The following CNTN4 variants were observed in gnomAD, a reference collection of about 807,000 sequenced individuals.
The protein encoded by CNTN4 is contactin 4.
CNTN4 carries 77 observed loss-of-function variants against 122.5 expected under a neutral mutation model. That is an observed-to-expected ratio of 0.63 (90% CI 0.52 to 0.76). CNTN4 has a LOEUF of 0.76. Among genes scored for constraint, CNTN4 ranks in the 30% least tolerant of loss-of-function variants. CNTN4 has a pLI of 0.00. For synonymous variants in CNTN4, 512 were observed against 447.0 expected (o/e 1.15, Z -1.83); for missense variants, 1,256 against 1,259.1 (o/e 1.00, Z 0.04).
chr3:2,570,148 T>C (rs1477160493), intron 3 of CNTN4, among the ~76,000 whole-genome samples: 1 of 152,102 alleles, frequency 6.6e-6, no homozygotes, highest in Admixed American at 6.5e-5. Flanking sequence ...GAGGGAAATT[T>C]GGCTTTACTT....
rs2038580891 is a variant in CNTN4 at position 2,210,776 on chromosome 3, G to T, written c.-145+110137G>T. Among the ~76,000 whole-genome samples the T allele has an allele frequency of 1.3e-5, 2 of 152,012 alleles. 1 individual carries two copies. Among genetic ancestry groups the T allele is most frequent in the African/African-American group, 4.8e-5 (2 of 41,386 alleles). On this transcript the variant is annotated intron_variant, in intron 2 of 24. Coordinates refer to ENST00000418658, the MANE Select transcript of CNTN4 (RefSeq NM_175607.3). ...CTTTCTTGACATCTTTTGTCTTTTT[G>T]AATCTGCCCATTTCCTTCAATACAT...
intron 7 of CNTN4, among the ~76,000 whole-genome samples, chr3:2,846,096 T>C (rs2093451076): frequency 6.6e-6 from 1 of 152,202 alleles, no homozygotes; most frequent in Non-Finnish European, 1.5e-5. Context: ...TTGGAGATTT[T>C]ACAATGCTAA....
rs1701858492 is a variant in CNTN4, at chr3:3,057,231, C to T, written c.*1011C>T. On this transcript the variant is annotated 3_prime_UTR_variant, in exon 25 of 25. Transcript: ENST00000418658. The stretch of plus-strand genomic sequence containing the variant: ...TATGTGTATCTCTGTAATAATAGAG[C>T]CCTTCTTTTGAATCAAAATTACATA... 6.6e-6 allele frequency: 1 copy of T among 152,456 alleles called. No individual in the cohort carries two copies. The allele number at this position is 152,456 out of a possible 1,614,324, so 9.4% of individuals were successfully genotyped here.
chr3:2,222,846 A>T (rs2039114660), intron 2 of CNTN4, among the ~76,000 whole-genome samples: 2 of 152,138 alleles, frequency 1.3e-5, no homozygotes, highest in Non-Finnish European at 2.9e-5. Context: ...TCTTTCTCTA[A>T]ACTAAACAAA....
At chr3:2,103,921 G>A (rs1212257026) in intron 2 of CNTN4, among the ~76,000 whole-genome samples, 5 of 152,186 alleles carry the variant, frequency 3.3e-5, no homozygotes, top group Non-Finnish European at 7.4e-5. Context: ...TGGCTGCAGT[G>A]GAAATGTGTA....
At chr3:2,798,104 A>G (rs66514648) in intron 6 of CNTN4, among the ~76,000 whole-genome samples, 41,687 of 142,966 alleles carry the variant, frequency 0.29, 6,330 homozygotes, top group Non-Finnish European at 0.32. Context: ...TCCAGTGTCT[A>G]TTATTTCACA....
At chr3:2,562,339 G>A (rs996280706) in intron 3 of CNTN4, among the ~76,000 whole-genome samples, 1 of 152,074 alleles carries the variant, frequency 6.6e-6, no homozygotes, top group East Asian at 1.9e-4. Context: ...CAAGCAGTGA[G>A]CATAGTACCC....
intron 3 of CNTN4, among the ~76,000 whole-genome samples, chr3:2,340,710 T>TATATATATATATATATAGAG: frequency 1.1e-4 from 2 of 18,302 alleles, no homozygotes; most frequent in African/African-American, 2.0e-4. Flanking sequence ...TATATATATA[T>TATATATATATATATATAGAG]AGAGAGAGAG....
chr3:2,444,241 A>G (rs2048540233), intron 3 of CNTN4, among the ~76,000 whole-genome samples: 1 of 151,566 alleles, frequency 6.6e-6, no homozygotes, highest in African/African-American at 2.4e-5. Context: ...AGTTAATAAC[A>G]TGTAATAGAA....
At chr3:2,943,764 C>T (rs1443703013) in intron 13 of CNTN4, among the ~76,000 whole-genome samples, 2 of 151,482 alleles carry the variant, frequency 1.3e-5, no homozygotes, top group Non-Finnish European at 2.9e-5. Flanking sequence ...GCTGGGATTA[C>T]AGGCATGCAC....
At chr3:2,676,896 G>A (rs941624386) in intron 4 of CNTN4, among the ~76,000 whole-genome samples, 1 of 152,162 alleles carries the variant, frequency 6.6e-6, no homozygotes, top group Non-Finnish European at 1.5e-5. Flanking sequence ...AGTACTTGGT[G>A]TTTGTCCTTA....
At position 2,551,484 on chromosome 3, in the gene CNTN4, C is replaced by T. The variant is rs565348753; in HGVS notation, c.-88-19932C>T. Among the ~76,000 whole-genome samples the T allele has an allele frequency of 7.9e-5, 12 of 151,946 alleles. No individual in the cohort carries two copies. In the South Asian group the frequency reaches 2.5e-3, roughly 32 times the overall value. ...ACCGTTTGTGATGGCCAAAGATGCA[C>T]AAATTTATATGAACACCTAAATTAT... On this transcript the variant is annotated intron_variant, in intron 3 of 24. Coordinates refer to ENST00000418658, the MANE Select transcript of CNTN4 (RefSeq NM_175607.3).
At chr3:2,353,171 C>T (rs1024816053) in intron 3 of CNTN4, among the ~76,000 whole-genome samples, 13 of 151,780 alleles carry the variant, frequency 8.6e-5, no homozygotes, top group Admixed American at 5.2e-4. Context: ...CACCAATCAG[C>T]ACTGTGTATC....
intron 13 of CNTN4, among the ~76,000 whole-genome samples, chr3:2,964,465 T>C (rs942969329): frequency 6.6e-6 from 1 of 152,182 alleles, no homozygotes; most frequent in African/African-American, 2.4e-5. Context: ...TGAGGTGAAA[T>C]TCCAGTCTCC....
intron 2 of CNTN4, among the ~76,000 whole-genome samples, chr3:2,229,623 T>C (rs1037245401): frequency 6.6e-6 from 1 of 152,086 alleles, no homozygotes; most frequent in Non-Finnish European, 1.5e-5. Context: ...GGGCAGAGCC[T>C]CTGTCTTAAA....
intron 2 of CNTN4, among the ~76,000 whole-genome samples, chr3:2,205,339 A>T (rs2038290536): frequency 6.7e-6 from 1 of 149,298 alleles, no homozygotes; most frequent in Non-Finnish European, 1.5e-5. Flanking sequence ...TTTGTAATAT[A>T]ATTATAAAAT....
chr3:2,866,494 T>C, intron 7 of CNTN4: 1 of 1,314,366 alleles, frequency 7.6e-7, no homozygotes, highest in Non-Finnish European at 9.8e-7. Flanking sequence ...AGCCCTTGAC[T>C]TAAAGAGGTT....
At chr3:3,008,430 G>C (rs984377241) in intron 14 of CNTN4, among the ~76,000 whole-genome samples, 1 of 152,190 alleles carries the variant, frequency 6.6e-6, no homozygotes, top group Admixed American at 6.5e-5. Flanking sequence ...CAAAGAAAGA[G>C]CATTTACACT....
Position 2,881,664 on chromosome 3 carries a change from CTCTTT to C in CNTN4, c.653-1480_653-1476del, listed in dbSNP as rs1312167177. On this transcript the variant is annotated intron_variant, in intron 8 of 24. Transcript: ENST00000418658. Reference sequence around the variant, plus strand: ...CCCCATCCAGTGAGTGAAATCATTTCTCTTTGTGATTGCACCTGTCCCCCATCCAG... The same window carrying C: ...CCCCATCCAGTGAGTGAAATCATTTCGTGATTGCACCTGTCCCCCATCCAG... 2.1e-3 allele frequency among the ~76,000 whole-genome samples: 41 copies of C among 19,682 alleles called. 7 individuals carry two copies. The highest frequency in any genetic ancestry group is 2.1e-3 in the Non-Finnish European group (22 of 10,568). 12.9% of individuals were successfully genotyped at this position (19,682 alleles called of 152,430 possible). A position where few individuals can be genotyped will look rare whatever the true frequency, so the allele number is the denominator to read the frequency against.
Sources: gnomAD v4.1 joint callset for allele counts (sites outside exome capture counted in the v4.1 genomes callset) on GRCh38, gnomAD v4.1.1 for gene constraint, MANE v1.5 for transcripts, NCBI Gene and HGNC (gene_info 2026-07-23, HGNC 2026-07-21) for gene names.